SPATS2L: variants seen among roughly 807,000 people sequenced by gnomAD.
SPATS2L encodes the protein SPATS2-like protein.
In SPATS2L, 30 loss-of-function variants were observed where a neutral mutation model predicts 59.6. The observed-to-expected ratio is 0.50, with a 90% CI of 0.38 to 0.68. The LOEUF (loss-of-function observed/expected upper bound fraction) is 0.68, where lower values mean the gene tolerates loss of function less well. SPATS2L is among the 30% of genes least tolerant of loss of function. The probability of loss-of-function intolerance (pLI) is 0.00; values close to 1 mark genes in which losing one functional copy is unlikely to be tolerated. For synonymous variants in SPATS2L, 252 were observed against 263.5 expected (o/e 0.96, Z 0.42); for missense variants, 615 against 700.0 (o/e 0.88, Z 1.37).
intron 2 of SPATS2L, chr2:200,383,797 C>A: frequency 1.2e-6 from 1 of 809,744 alleles, no homozygotes; most frequent in Non-Finnish European, 1.5e-6. Context: ...CATTAATAAC[C>A]TTGAAAATTT....
chr2:200,363,815 A>G (rs1013473220), intron 2 of SPATS2L, among the ~76,000 whole-genome samples: 1 of 152,208 alleles, frequency 6.6e-6, no homozygotes, highest in African/African-American at 2.4e-5. Flanking sequence ...GTCAAAGCTT[A>G]AAGCCTTGGA....
chr2:200,396,234 A>G (rs916604816), intron 3 of SPATS2L, among the ~76,000 whole-genome samples: 2 of 151,750 alleles, frequency 1.3e-5, no homozygotes, highest in African/African-American at 2.4e-5. Flanking sequence ...AGCTCAGTCT[A>G]TAATGTCATC....
chr2:200,416,773 G>A (rs935153733), intron 5 of SPATS2L, among the ~76,000 whole-genome samples: 4 of 152,004 alleles, frequency 2.6e-5, no homozygotes, highest in African/African-American at 9.7e-5. Context: ...AAAAAATTAA[G>A]GAGTATTTTA....
Position 200,462,582 on chromosome 2 carries a change from G to A in SPATS2L, c.847+2755G>A, listed in dbSNP as rs13431556. On this transcript the variant is annotated intron_variant, in intron 9 of 12. Transcript: ENST00000409140. Reference sequence around the variant, plus strand: ...TCAAGTCCAACCTCCATCTCTAACTGGCTGTGTGTCCCTGAACCATGTTGT... The same window carrying A: ...TCAAGTCCAACCTCCATCTCTAACTAGCTGTGTGTCCCTGAACCATGTTGT... 9.6e-3 allele frequency among the ~76,000 whole-genome samples: 1,455 copies of A among 152,204 alleles called. 16 individuals are homozygous for A. The highest frequency in any genetic ancestry group is 0.032 in the African/African-American group (1,331 of 41,526).
chr2:200,478,307 G>T lies in SPATS2L; in HGVS notation c.*276G>T. On this transcript the variant is annotated 3_prime_UTR_variant, in exon 13 of 13. Transcript: ENST00000409140. ...TTATTAGGAAAATCAAGATGTGGCT[G>T]AAGATCAGAGGCTCAGTTAGCAACC... 1 of 274,610 alleles carries T rather than the reference G, an allele frequency of 3.6e-6. No homozygotes were observed. The highest frequency in any genetic ancestry group is 6.7e-6 in the Non-Finnish European group (1 of 148,530). 17.0% of individuals were successfully genotyped at this position (274,610 alleles called of 1,614,324 possible).
upstream of SPATS2L, chr2:200,306,678 G>A: frequency 2.0e-6 from 2 of 986,330 alleles, no homozygotes; most frequent in Non-Finnish European, 2.4e-6. Flanking sequence ...TCCCTGCGTG[G>A]GGCGGCCGAG....
chr2:200,406,440 A>T (rs993246529), intron 3 of SPATS2L, among the ~76,000 whole-genome samples: 3 of 151,386 alleles, frequency 2.0e-5, no homozygotes, highest in African/African-American at 7.3e-5. Flanking sequence ...GGTTATTATT[A>T]TAAAGGTCTG....
intron 8 of SPATS2L, among the ~76,000 whole-genome samples, chr2:200,453,463 A>T (rs1250049718): frequency 1.3e-5 from 2 of 152,250 alleles, no homozygotes; most frequent in East Asian, 1.9e-4. Flanking sequence ...CCCTGGGCCC[A>T]ATAATTGCTG....
At chr2:200,415,129 GA>G (rs1365076524) in intron 4 of SPATS2L, among the ~76,000 whole-genome samples, 18 of 152,054 alleles carry the variant, frequency 1.2e-4, no homozygotes, top group Admixed American at 6.6e-5. Context: ...ACAAATTAGA[GA>G]AAGACCAACC....
intron 2 of SPATS2L, chr2:200,351,366 A>G (rs561744533): frequency 5.0e-5 from 23 of 458,974 alleles, no homozygotes; most frequent in African/African-American, 2.2e-4. Flanking sequence ...TTTTGTGACT[A>G]TAGTAATATA....
In SPATS2L at chr2:200,427,645, A is replaced by T. The variant is rs919346741; in HGVS notation, c.445+8149A>T. On this transcript the variant is annotated intron_variant, in intron 6 of 12. Coordinates refer to ENST00000409140, the MANE Select transcript of SPATS2L (RefSeq NM_001100423.2). The stretch of plus-strand genomic sequence containing the variant: ...TACCACCTTTATGCCCTCTGAGCTC[A>T]TCAAGCTTCATAGGATTTGAATGAA... Among the ~76,000 whole-genome samples the T allele has an allele frequency of 3.3e-5, 5 of 152,076 alleles. 1 individual carries two copies. Among genetic ancestry groups the T allele is most frequent in the African/African-American group, 1.2e-4 (5 of 41,524 alleles).
chr2:200,357,772 A>G (rs749489583), intron 2 of SPATS2L, among the ~76,000 whole-genome samples: 25 of 152,174 alleles, frequency 1.6e-4, no homozygotes, highest in Non-Finnish European at 3.2e-4. Context: ...GTTTCTCATG[A>G]AGTAGCACTG....
In SPATS2L at chr2:200,481,346, CAG is replaced by C. The variant is rs2087769533; in HGVS notation, c.*3317_*3318del. The C allele has an allele frequency of 6.6e-6, 1 of 152,212 alleles. No homozygotes were observed. Among genetic ancestry groups the C allele is most frequent in the African/African-American group, 2.4e-5 (1 of 41,450 alleles). 9.4% of individuals were successfully genotyped at this position (152,212 alleles called of 1,614,324 possible). A position where few individuals can be genotyped will look rare whatever the true frequency, so the allele number is the denominator to read the frequency against. ...TAAAAGCAGTTTTTTGACAAAGTAA[CAG>C]ATTTGGAAATTCTGACTCTCTGAAA... On this transcript the variant is annotated 3_prime_UTR_variant, in exon 13 of 13. Coordinates refer to ENST00000409140, the MANE Select transcript of SPATS2L (RefSeq NM_001100423.2).
chr2:200,461,990 T>G (rs1280001357), intron 9 of SPATS2L, among the ~76,000 whole-genome samples: 5 of 151,502 alleles, frequency 3.3e-5, no homozygotes, highest in Admixed American at 6.6e-5. Context: ...ACTATTTAGG[T>G]AGTTAAACAA....
chr2:200,441,893 T>G (rs1171127315), intron 8 of SPATS2L, among the ~76,000 whole-genome samples: 1 of 152,232 alleles, frequency 6.6e-6, no homozygotes, highest in Non-Finnish European at 1.5e-5. Context: ...GACATTGATG[T>G]GCTTTTTAGC....
chr2:200,353,856 C>T (rs1171813566), intron 2 of SPATS2L, among the ~76,000 whole-genome samples: 1 of 152,156 alleles, frequency 6.6e-6, no homozygotes, highest in African/African-American at 2.4e-5. Context: ...AACTCTGGTC[C>T]TCTCTTTATA....
chr2:200,461,514 GTGAGGCCCTCCCTTATTATTGAAT>G (rs2086239556), intron 9 of SPATS2L, among the ~76,000 whole-genome samples: 1 of 152,184 alleles, frequency 6.6e-6, no homozygotes, highest in South Asian at 2.1e-4. Context: ...AAGTGAATGT[GTGAGGCCCTCCCTTATTATTGAAT>G]TTAGTTTGCT....
Position 200,478,421 on chromosome 2 carries a change from C to T in SPATS2L, c.*390C>T. 6.3e-6 allele frequency: 1 copy of T among 158,844 alleles called. No individual in the cohort carries two copies. The highest frequency in any genetic ancestry group is 1.8e-4 in the East Asian group (1 of 5,410). The allele number at this position is 158,844 out of a possible 1,614,324, so 9.8% of individuals were successfully genotyped here. On this transcript the variant is annotated 3_prime_UTR_variant, in exon 13 of 13. Coordinates refer to ENST00000409140, the MANE Select transcript of SPATS2L (RefSeq NM_001100423.2). ...TTCTTAATAATCAGACAAACATGAT[C>T]TGCTGAGGACACATGCGCTTTTGTA...
At chr2:200,312,347 G>C (rs781052484) in intron 1 of SPATS2L, among the ~76,000 whole-genome samples, 3 of 152,190 alleles carry the variant, frequency 2.0e-5, no homozygotes, top group Non-Finnish European at 2.9e-5. Context: ...ACCTAGCCGA[G>C]TTGAGTAAAG....
Sources: gnomAD v4.1 joint callset for allele counts (sites outside exome capture counted in the v4.1 genomes callset) on GRCh38, gnomAD v4.1.1 for gene constraint, MANE v1.5 for transcripts, NCBI Gene and HGNC (gene_info 2026-07-23, HGNC 2026-07-21) for gene names.